Variants in VAX2 observed in about 807,000 individuals in gnomAD.
VAX2 encodes ventral anterior homeobox 2.
In VAX2, 8 loss-of-function variants were observed where a neutral mutation model predicts 12.5. That is an observed-to-expected ratio of 0.64 (90% CI 0.37 to 1.15). The LOEUF (loss-of-function observed/expected upper bound fraction) is 1.15. Ranked by LOEUF, VAX2 falls within the 50% of genes most tolerant of loss-of-function variation. The pLI is 0.01. For missense variants in VAX2, 476 were observed against 412.9 expected, an observed-to-expected ratio of 1.15 and a Z score of -1.32; for synonymous variants, 183 against 187.6, an observed-to-expected ratio of 0.98 and a Z score of 0.20.
At chr2:70,916,694 C>T (rs565281605) in intron 1 of VAX2, among the ~76,000 whole-genome samples, 65 of 152,276 alleles carry the variant, frequency 4.3e-4, no homozygotes, top group African/African-American at 1.5e-3. Context: ...GTGTTTCAAT[C>T]GTTCTTCCTT....
chr2:70,909,393 G>T (rs7595613), intron 1 of VAX2, among the ~76,000 whole-genome samples: 1,973 of 151,690 alleles, frequency 0.013, 46 homozygotes, highest in African/African-American at 0.045. Flanking sequence ...GTAGGGACAG[G>T]GTTTCACCAT....
intron 2 of VAX2, among the ~76,000 whole-genome samples, chr2:70,931,766 C>T (rs1679700072): frequency 6.6e-6 from 1 of 152,268 alleles, no homozygotes; most frequent in African/African-American, 2.4e-5. Flanking sequence ...TTCAGCACTC[C>T]AGGCCCAAGA....
chr2:70,921,452 A>G (rs1441091150), intron 2 of VAX2, among the ~76,000 whole-genome samples, 167 bp downstream of exon 2: 1 of 152,106 alleles, frequency 6.6e-6, no homozygotes, highest in African/African-American at 2.4e-5. Context: ...AAGAGCAAAT[A>G]AATATAGCGC....
intron 1 of VAX2, among the ~76,000 whole-genome samples, chr2:70,909,271 TC>T (rs1553410951): frequency 1.3e-5 from 2 of 151,982 alleles, no homozygotes; most frequent in African/African-American, 2.4e-5. Flanking sequence ...CCTCAAGCAG[TC>T]CCCCCACCTC....
chr2:70,921,038 T>G, intron 1 of VAX2, 60 bp from the exon 2 acceptor site: 1 of 1,457,570 alleles, frequency 6.9e-7, no homozygotes, highest in South Asian at 1.5e-5. Flanking sequence ...TTAAGATGCT[T>G]TCTGGTGATC....
chr2:70,932,874 C>T lies in VAX2; in HGVS notation c.543C>T (p.Asn181=), dbSNP rs1679728289. The change falls in exon 3 of 3, where the codon AAC becomes AAT. Residue 181 remains asparagine (N), a synonymous_variant. Coordinates refer to ENST00000234392, the MANE Select transcript of VAX2 (RefSeq NM_012476.3). ...SSASEAFATS[N]ILRLLEQGRL... Reference sequence around the variant, plus strand: ...CCTCCGAGGCCTTTGCCACCTCCAACATTCTGCGGCTGCTGGAGCAGGGCC... The same window carrying T: ...CCTCCGAGGCCTTTGCCACCTCCAATATTCTGCGGCTGCTGGAGCAGGGCC... The T allele has an allele frequency of 1.2e-6, 2 of 1,613,610 alleles. No individual in the cohort carries two copies. Among genetic ancestry groups the T allele is most frequent in the African/African-American group, 1.3e-5 (1 of 74,890 alleles).
chr2:70,912,749 T>TG (rs1206850435), intron 1 of VAX2, among the ~76,000 whole-genome samples: 4 of 150,758 alleles, frequency 2.7e-5, no homozygotes, highest in East Asian at 1.9e-4. Context: ...GCTTTGGAGG[T>TG]GGGGGGGATG....
At chr2:70,926,577 C>A (rs1204252373) in intron 2 of VAX2, among the ~76,000 whole-genome samples, 3 of 152,092 alleles carry the variant, frequency 2.0e-5, no homozygotes, top group Admixed American at 1.3e-4. Context: ...ACGTACAGCT[C>A]CCCTGGGGTA....
intron 1 of VAX2, among the ~76,000 whole-genome samples, chr2:70,912,489 C>T (rs1338410226): frequency 6.6e-6 from 1 of 152,046 alleles, no homozygotes; most frequent in Admixed American, 6.6e-5. Context: ...TGGCGAAACC[C>T]CGTCCCTACT....
intron 2 of VAX2, among the ~76,000 whole-genome samples, chr2:70,930,791 A>G (rs1401352594): frequency 1.3e-5 from 2 of 152,240 alleles, no homozygotes; most frequent in South Asian, 2.1e-4. Context: ...TTGCTGGACT[A>G]TTAAATCTTC....
rs547397130 is a variant in VAX2, at chr2:70,933,009, C to T, written c.678C>T (p.Ser226=). ...GTSLGDPRNS[S]PRLNPLSSAS... is the part of the protein sequence containing the mutation. The stretch of plus-strand genomic sequence containing the variant: ...CCTTAGGTGACCCCAGGAACTCCTC[C>T]CCACGCCTCAACCCGCTGTCCTCGG... Residue 226 remains serine (S), a synonymous_variant, in exon 3 of 3, where the codon TCC becomes TCT. Transcript: ENST00000234392. 2.5e-6 allele frequency: 4 copies of T among 1,600,302 alleles called. No homozygotes were observed. The highest frequency in any genetic ancestry group is 2.6e-6 in the Non-Finnish European group (3 of 1,172,454).
chr2:70,911,099 C>A (rs1343418333), intron 1 of VAX2, among the ~76,000 whole-genome samples: 1 of 152,122 alleles, frequency 6.6e-6, no homozygotes, highest in African/African-American at 2.4e-5. Context: ...GGTTTCCACT[C>A]CTCAGAGGCA....
chr2:70,909,593 A>G (rs1553410989), intron 1 of VAX2, among the ~76,000 whole-genome samples: 1 of 152,206 alleles, frequency 6.6e-6, no homozygotes, highest in South Asian at 2.1e-4. Flanking sequence ...TTACCTAGTA[A>G]TTGAAAAATA....
At chr2:70,911,020 C>T (rs1244027566) in intron 1 of VAX2, among the ~76,000 whole-genome samples, 1 of 151,900 alleles carries the variant, frequency 6.6e-6, no homozygotes, top group African/African-American at 2.4e-5. Flanking sequence ...AAATTTTATT[C>T]CCTAGTCTTT....
chr2:70,901,025 T>C (rs1288327360), intron 1 of VAX2, among the ~76,000 whole-genome samples, 157 bp downstream of exon 1: 2 of 152,276 alleles, frequency 1.3e-5, no homozygotes, highest in Non-Finnish European at 2.9e-5. Context: ...GTCTATTGTG[T>C]GCTGGACATT....
chr2:70,905,267 T>A (rs1467697639), intron 1 of VAX2, among the ~76,000 whole-genome samples: 1 of 152,194 alleles, frequency 6.6e-6, no homozygotes. Context: ...ATGCAAGGAA[T>A]TGCACTTTGA....
At chr2:70,930,209 A>C (rs782262463) in intron 2 of VAX2, among the ~76,000 whole-genome samples, 1 of 145,822 alleles carries the variant, frequency 6.9e-6, no homozygotes, top group Non-Finnish European at 1.5e-5. Flanking sequence ...AAAAACAAAA[A>C]TAAAGAAATA....
intron 1 of VAX2, among the ~76,000 whole-genome samples, chr2:70,914,804 T>TTG (rs1679272899): frequency 2.2e-5 from 1 of 45,306 alleles, no homozygotes; most frequent in Admixed American, 1.9e-4. Flanking sequence ...TTTACTTAAA[T>TTG]TTTTTTTTTT....
At chr2:70,902,431 G>T (rs982910583) in intron 1 of VAX2, among the ~76,000 whole-genome samples, 9 of 152,294 alleles carry the variant, frequency 5.9e-5, no homozygotes, top group African/African-American at 9.6e-5. Context: ...TAGACTGTGG[G>T]ATGTCTTGAG....
Sources: gnomAD v4.1 joint callset for allele counts (sites outside exome capture counted in the v4.1 genomes callset) on GRCh38, gnomAD v4.1.1 for gene constraint, MANE v1.5 for transcripts, NCBI Gene and HGNC (gene_info 2026-07-23, HGNC 2026-07-21) for gene names.